Variants in TBC1D31 observed in about 807,000 individuals in gnomAD.
The protein encoded by TBC1D31 is WD repeat domain 67.
TBC1D31 carries 99 observed loss-of-function variants against 132.9 expected under a neutral mutation model. The ratio of observed to expected loss-of-function variants is 0.74; its 90% CI spans 0.63 to 0.88. The LOEUF is 0.88. TBC1D31 is among the 40% of genes least tolerant of loss of function. The pLI is 0.00. For missense variants in TBC1D31, 1,134 were observed against 1,256.6 expected (o/e 0.90, Z 1.48); for synonymous variants, 385 against 419.4 (o/e 0.92, Z 1.00).
At chr8:123,156,372 C>G (rs1713734), downstream of TBC1D31, among the ~76,000 whole-genome samples, 3 of 148,812 alleles carry the variant, frequency 2.0e-5, no homozygotes, top group South Asian at 2.1e-4. Context: ...ACCTGGGAGG[C>G]GGAGGTTGCA....
chr8:123,092,635 A>G (rs1816439472), intron 4 of TBC1D31, among the ~76,000 whole-genome samples: 1 of 151,764 alleles, frequency 6.6e-6, no homozygotes, highest in Non-Finnish European at 1.5e-5. Flanking sequence ...CAAACACCCC[A>G]TTTTGTCTAT....
chr8:123,094,366 CTA>C (rs1816645261), intron 5 of TBC1D31, among the ~76,000 whole-genome samples: 2 of 151,684 alleles, frequency 1.3e-5, no homozygotes, highest in South Asian at 4.2e-4. Flanking sequence ...CCGGCCATTT[CTA>C]TTTTTATCAA....
chr8:123,080,022 C>A (rs1033534930), intron 2 of TBC1D31, among the ~76,000 whole-genome samples: 1 of 152,124 alleles, frequency 6.6e-6, no homozygotes, highest in African/African-American at 2.4e-5. Context: ...TTTCCTCTAC[C>A]CTTCTAGATT....
intron 10 of TBC1D31, among the ~76,000 whole-genome samples, chr8:123,117,752 CAAAAAAAAAA>C (rs71310657): frequency 0.017 from 1,555 of 89,916 alleles, 14 homozygotes; most frequent in Non-Finnish European, 0.025. Context: ...AACTCCGTCT[CAAAAAAAAAA>C]AAAAAAAAAA....
At chr8:123,123,829 T>A (rs1397212805) in intron 11 of TBC1D31, 1 of 152,306 alleles carries the variant, frequency 6.6e-6, no homozygotes, top group African/African-American at 2.4e-5. Flanking sequence ...TTTGTATAGT[T>A]AACACCCTAT....
chr8:123,077,680 T>G lies in TBC1D31; in HGVS notation c.224+423T>G, dbSNP rs544595240. Among the ~76,000 whole-genome samples, 14 of 152,220 alleles carry G rather than the reference T, an allele frequency of 9.2e-5. No homozygotes were observed. In the East Asian group the frequency reaches 2.7e-3, roughly 29 times the overall value. On this transcript the variant is annotated intron_variant, in intron 2 of 21. Transcript: ENST00000287380. Reference sequence around the variant, plus strand: ...TGCTAGTTTGTCAATTTCTGGTACATCATGAGGCAATGTAGAAATAACACA... The same window carrying G: ...TGCTAGTTTGTCAATTTCTGGTACAGCATGAGGCAATGTAGAAATAACACA...
intron 2 of TBC1D31, 101 bp from the exon 3 acceptor site, chr8:123,082,600 AT>A: frequency 1.3e-6 from 1 of 791,914 alleles, no homozygotes; most frequent in Non-Finnish European, 2.0e-6. Context: ...ATGGTAGCTC[AT>A]TTTTCTGGGT....
At chr8:123,157,328 C>T in the TBC1D31 span, among the ~76,000 whole-genome samples, 11,332 of 152,146 alleles carry the variant, frequency 0.074, 475 homozygotes, top group Non-Finnish European at 0.098. Flanking sequence ...CCGGACGGAT[C>T]ATTCTGAGGC....
At position 123,097,354 on chromosome 8, in the gene TBC1D31, C is replaced by T. The variant is rs761183191; in HGVS notation, c.744C>T (p.Leu248=). The change falls in exon 6 of 22, where the codon CTC becomes CTT. Residue 248 remains leucine, a synonymous_variant. Coordinates refer to ENST00000287380, the MANE Select transcript of TBC1D31 (RefSeq NM_145647.4). ...LHLWCLEARQ[L]FRIIQMPTKV... ...TGTGGTGCTTGGAAGCTAGGCAGCT[C>T]TTTAGAATTATCCAGATGCCCACTA... The T allele has an allele frequency of 1.9e-6, 3 of 1,614,122 alleles. No homozygotes were observed. Among genetic ancestry groups the T allele is most frequent in the Non-Finnish European group, 2.5e-6 (3 of 1,180,018 alleles).
chr8:123,093,941 C>T (rs958280239), intron 5 of TBC1D31, among the ~76,000 whole-genome samples, 199 bp downstream of exon 5: 2 of 152,092 alleles, frequency 1.3e-5, no homozygotes, highest in African/African-American at 4.8e-5. Flanking sequence ...ACATGAACCC[C>T]TAAGAATTTC....
chr8:123,082,463 T>G, intron 2 of TBC1D31: 1 of 409,558 alleles, frequency 2.4e-6, no homozygotes, highest in Non-Finnish European at 4.3e-6. Flanking sequence ...GCCAGGATCG[T>G]CTTCCTAAAA....
chr8:123,087,531 T>A (rs1175862166), intron 4 of TBC1D31, among the ~76,000 whole-genome samples: 1 of 152,252 alleles, frequency 6.6e-6, no homozygotes, highest in East Asian at 1.9e-4. Context: ...TTCTTTAATT[T>A]AGGCCAAAGG....
rs989507270 is a variant in TBC1D31 at position 123,126,267 on chromosome 8, T to C, written c.1704+78T>C. On this transcript the variant is annotated intron_variant, in intron 12 of 21. Coordinates refer to ENST00000287380, the MANE Select transcript of TBC1D31 (RefSeq NM_145647.4). Reference sequence around the variant, plus strand: ...TGGTTCTGGTATAAACAGTCTTTTCTTGAAGGAGTATAATAAAAAGCATAC... The same window carrying C: ...TGGTTCTGGTATAAACAGTCTTTTCCTGAAGGAGTATAATAAAAAGCATAC... 4 of 1,485,882 alleles carry C rather than the reference T, an allele frequency of 2.7e-6. No homozygotes were observed. The African/African-American group carries it at 5.6e-5, about 21-fold the overall frequency. The allele number at this position is 1,485,882 out of a possible 1,614,324, so 92.0% of individuals were successfully genotyped here. A position where few individuals can be genotyped will look rare whatever the true frequency, so the allele number is the denominator to read the frequency against.
At position 123,115,111 on chromosome 8, in the gene TBC1D31, A is replaced by G. The variant is rs549532144; in HGVS notation, c.1437-4944A>G. Among the ~76,000 whole-genome samples, 9 of 152,326 alleles carry G rather than the reference A, an allele frequency of 5.9e-5. No individual in the cohort carries two copies. In the East Asian group the frequency reaches 1.7e-3, roughly 29 times the overall value. ...TGTGTAGACTTCTAGAATTGAAACT[A>G]CTAGGTCAAATCATTCATTTTTTCT... On this transcript the variant is annotated intron_variant, in intron 10 of 21. Transcript: ENST00000287380.
rs115469629 is a variant in TBC1D31, at chr8:123,115,649, T to C, written c.1437-4406T>C. On this transcript the variant is annotated intron_variant, in intron 10 of 21. Transcript: ENST00000287380. Reference sequence around the variant, plus strand: ...CAGGGCCACATTCCTTTCTAGAGGCTCTGGGGAGAATCCTTTTCTTTGCCT... The same window carrying C: ...CAGGGCCACATTCCTTTCTAGAGGCCCTGGGGAGAATCCTTTTCTTTGCCT... Among the ~76,000 whole-genome samples the C allele has an allele frequency of 7.5e-3, 1,141 of 152,302 alleles. 15 individuals carry two copies. The highest frequency in any genetic ancestry group is 0.026 in the African/African-American group (1,070 of 41,554).
intron 4 of TBC1D31, among the ~76,000 whole-genome samples, chr8:123,087,955 G>A (rs143558057): frequency 1.4e-3 from 218 of 151,882 alleles, no homozygotes; most frequent in African/African-American, 5.0e-3. Context: ...GTCCCAGGCG[G>A]GGGGATCACC....
intron 7 of TBC1D31, among the ~76,000 whole-genome samples, chr8:123,101,929 C>T (rs912305024): frequency 2.0e-5 from 3 of 152,184 alleles, no homozygotes; most frequent in Non-Finnish European, 4.4e-5. Flanking sequence ...TGGCTTCCTT[C>T]CTTCGCCTGT....
In TBC1D31 at chr8:123,098,189, C is replaced by T. The variant is rs564038507; in HGVS notation, c.831+748C>T. Among the ~76,000 whole-genome samples, 124 of 152,280 alleles carry T rather than the reference C, an allele frequency of 8.1e-4. No homozygotes were observed. In the South Asian group the frequency reaches 0.023, roughly 28 times the overall value. ...ACAGCATACAGTAGGAAGTCTGTCACGCCTTTCTACCATTTGTCTAGTTGT... is the reference window on the plus strand; with the variant it reads ...ACAGCATACAGTAGGAAGTCTGTCATGCCTTTCTACCATTTGTCTAGTTGT... On this transcript the variant is annotated intron_variant, in intron 6 of 21. Coordinates refer to ENST00000287380, the MANE Select transcript of TBC1D31 (RefSeq NM_145647.4).
chr8:123,119,895 G>A (rs1819307915), intron 10 of TBC1D31, among the ~76,000 whole-genome samples, 160 bp from the exon 11 acceptor site: 1 of 152,036 alleles, frequency 6.6e-6, no homozygotes, highest in Non-Finnish European at 1.5e-5. Flanking sequence ...TTTTAAGAAA[G>A]GATTTATACT....
Sources: gnomAD v4.1 joint callset for allele counts (sites outside exome capture counted in the v4.1 genomes callset) on GRCh38, gnomAD v4.1.1 for gene constraint, MANE v1.5 for transcripts, NCBI Gene and HGNC (gene_info 2026-07-23, HGNC 2026-07-21) for gene names.